The following MSANTD4 variants were observed in gnomAD, a reference collection of about 807,000 sequenced individuals.
MSANTD4 encodes the protein myb/SANT-like DNA-binding domain-containing protein 4.
A neutral mutation model predicts 34.3 loss-of-function variants in MSANTD4; 13 were observed. The observed-to-expected ratio is 0.38, with a 90% CI of 0.25 to 0.60. The LOEUF (loss-of-function observed/expected upper bound fraction) is 0.60. MSANTD4 is among the 20% of genes least tolerant of loss of function. The pLI is 0.63. For synonymous variants in MSANTD4, 137 were observed against 145.2 expected (o/e 0.94, Z 0.41); for missense variants, 358 against 401.8 (o/e 0.89, Z 0.93).
At position 106,010,847 on chromosome 11, in the gene MSANTD4, A is replaced by G. The variant is rs1187539844; in HGVS notation, c.71T>C (p.Ile24Thr). The change falls in exon 2 of 3, where the codon ATT becomes ACT. Residue 24 changes from isoleucine (I) to threonine (T), a missense_variant. Around this residue, in one of 2 missense-constraint regions of MSANTD4, gnomAD observed 46 missense variants for 84.3 expected, o/e 0.55. Transcript: ENST00000301919. ...VQETQTLLKEITKRKEVIFSK... is the reference protein window; with the variant it reads ...VQETQTLLKETTKRKEVIFSK... ...AAAAATGACTTCTTTCCTTTTCGTA[A>G]TTTCTTTCAAAAGGGTCTGAGTTTC... 6.2e-7 allele frequency: 1 copy of G among 1,613,890 alleles called. No individual in the cohort carries two copies. The highest frequency in any genetic ancestry group is 8.5e-7 in the Non-Finnish European group (1 of 1,179,956).
At chr11:106,017,307 C>G (rs999736887) in intron 1 of MSANTD4, among the ~76,000 whole-genome samples, 1 of 152,176 alleles carries the variant, frequency 6.6e-6, no homozygotes. Context: ...TGCTCTACAA[C>G]AGGTTCATTA....
chr11:106,010,132 A>C, intron 2 of MSANTD4, 22 bp from the exon 3 acceptor site: 1 of 1,523,050 alleles, frequency 6.6e-7, no homozygotes, highest in Non-Finnish European at 8.8e-7. Flanking sequence ...GAGAAAAGCA[A>C]TTTTCAGTAT....
At position 106,010,686 on chromosome 11, in the gene MSANTD4, C is replaced by T; in HGVS notation, c.232G>A (p.Ala78Thr). 1.2e-6 allele frequency: 2 copies of T among 1,614,146 alleles called. No individual in the cohort carries two copies. The highest frequency in any genetic ancestry group is 1.1e-5 in the South Asian group (1 of 91,082). Residue 78 changes from alanine to threonine, a missense_variant, in exon 2 of 3, where the codon GCA becomes ACA. Physicochemically the swap from Ala to Thr is moderately conservative, Grantham distance 58. This residue lies in a region of MSANTD4 where 312 missense variants were observed against 317.6 expected (regional missense o/e 0.98). Coordinates refer to ENST00000301919, the MANE Select transcript of MSANTD4 (RefSeq NM_032424.3). ...EVKRRYLDWR[A>T]LMKRKRMKAN... ...TTCATCCTCTTTCTCTTCATAAGTGCTCGCCAGTCAAGGTACCTTCTTTTC... is the reference window on the plus strand; with the variant it reads ...TTCATCCTCTTTCTCTTCATAAGTGTTCGCCAGTCAAGGTACCTTCTTTTC...
rs774691282 is a variant in MSANTD4, at chr11:106,009,841, GT to G, written c.731del (p.Asp244AlafsTer9). The G allele has an allele frequency of 6.2e-7, 1 of 1,614,030 alleles. No individual in the cohort carries two copies. The highest frequency in any genetic ancestry group is 1.3e-5 in the African/African-American group (1 of 75,020). ...QIEKERLRHL[D>X]MEHERLQLEK... ...CTAGCTGAAGCCGCTCATGTTCCAT[GT>G]CTAAATGCCGCAGCCTCTCTTTCTC... is the stretch of plus-strand genomic sequence containing the variant. On this transcript the variant is annotated frameshift_variant, in exon 3 of 3. Coordinates refer to ENST00000301919, the MANE Select transcript of MSANTD4 (RefSeq NM_032424.3). LOFTEE classifies it high-confidence loss of function.
In MSANTD4 at chr11:106,019,276, T is replaced by C. The variant is rs571866335; in HGVS notation, c.-151+1686A>G. 3.3e-5 allele frequency among the ~76,000 whole-genome samples: 5 copies of C among 152,282 alleles called. No individual in the cohort carries two copies. The South Asian group carries it at 6.2e-4, about 19-fold the overall frequency. ...CTAGATCAGTGCTGTCCAATAGAAA[T>C]GTAAGAGCCCTATATGTAATTTTAA... On this transcript the variant is annotated intron_variant, in intron 1 of 2. Transcript: ENST00000301919.
intron 1 of MSANTD4, among the ~76,000 whole-genome samples, chr11:106,016,232 A>T (rs1349967109): frequency 1.3e-5 from 2 of 152,220 alleles, no homozygotes; most frequent in Non-Finnish European, 2.9e-5. Context: ...AATTCAAATT[A>T]TCCAATAGCT....
rs1162090305 is a variant in MSANTD4, at chr11:106,008,461, A to G, written c.*1074T>C. On this transcript the variant is annotated 3_prime_UTR_variant, in exon 3 of 3. Coordinates refer to ENST00000301919, the MANE Select transcript of MSANTD4 (RefSeq NM_032424.3). ...AGATAGTGTAATAAGTGCTTCTCCA[A>G]TCCATAATACATACCTACTATCATT... 2 of 152,196 alleles carry G rather than the reference A, an allele frequency of 1.3e-5. No individual in the cohort carries two copies. Among genetic ancestry groups the G allele is most frequent in the East Asian group, 3.8e-4 (2 of 5,198 alleles). 9.4% of individuals were successfully genotyped at this position (152,196 alleles called of 1,614,324 possible).
chr11:106,016,341 C>T (rs529732806), intron 1 of MSANTD4, among the ~76,000 whole-genome samples: 1 of 152,196 alleles, frequency 6.6e-6, no homozygotes, highest in Non-Finnish European at 1.5e-5. Flanking sequence ...AAGTGATTTA[C>T]ACACATCATT....
chr11:106,019,786 A>G (rs1026969493), intron 1 of MSANTD4, among the ~76,000 whole-genome samples: 4 of 152,244 alleles, frequency 2.6e-5, no homozygotes, highest in Non-Finnish European at 4.4e-5. Flanking sequence ...TGCATAAAAA[A>G]AGTACATAAA....
intron 1 of MSANTD4, 49 bp from the exon 2 acceptor site, chr11:106,011,116 C>T: frequency 2.3e-6 from 2 of 876,534 alleles, no homozygotes; most frequent in Non-Finnish European, 3.3e-6. Flanking sequence ...ACTTCTACAA[C>T]ATACTTCAAC....
chr11:106,012,079 C>T (rs1859711090), intron 1 of MSANTD4, among the ~76,000 whole-genome samples: 1 of 150,826 alleles, frequency 6.6e-6, no homozygotes, highest in Non-Finnish European at 1.5e-5. Context: ...TTTTACCCAG[C>T]CATCCCACCT....
chr11:106,019,150 C>A (rs1442018927), intron 1 of MSANTD4, among the ~76,000 whole-genome samples: 1 of 152,176 alleles, frequency 6.6e-6, no homozygotes, highest in Non-Finnish European at 1.5e-5. Flanking sequence ...CCAGTACCAA[C>A]TCCCAACCTA....
intron 1 of MSANTD4, among the ~76,000 whole-genome samples, chr11:106,014,179 C>G (rs1859779068): frequency 6.6e-6 from 1 of 152,192 alleles, no homozygotes; most frequent in African/African-American, 2.4e-5. Flanking sequence ...ACTAAGCAAT[C>G]AGAAGCTGTC....
intron 1 of MSANTD4, among the ~76,000 whole-genome samples, chr11:106,015,224 T>C (rs1459862838): frequency 6.6e-6 from 1 of 152,106 alleles, no homozygotes; most frequent in East Asian, 1.9e-4. Context: ...GATTCTGGAG[T>C]CAGACCACCC....
chr11:106,012,949 T>C (rs892064908), intron 1 of MSANTD4, among the ~76,000 whole-genome samples: 2 of 152,166 alleles, frequency 1.3e-5, no homozygotes, highest in Admixed American at 6.5e-5. Flanking sequence ...ACTAGGAGGC[T>C]GGAACAGATG....
At chr11:106,017,183 C>G (rs538974002) in intron 1 of MSANTD4, among the ~76,000 whole-genome samples, 5 of 152,198 alleles carry the variant, frequency 3.3e-5, no homozygotes, top group African/African-American at 9.6e-5. Flanking sequence ...ATAATCCCCA[C>G]GTAGATGCTA....
chr11:106,019,728 AT>A (rs552465296), intron 1 of MSANTD4, among the ~76,000 whole-genome samples: 1 of 152,214 alleles, frequency 6.6e-6, no homozygotes, highest in Non-Finnish European at 1.5e-5. Context: ...TCAGATACGA[AT>A]ATATTATTCC....
chr11:106,012,443 T>C lies in MSANTD4; in HGVS notation c.-150-1376A>G, dbSNP rs181906674. 3.9e-5 allele frequency among the ~76,000 whole-genome samples: 6 copies of C among 152,300 alleles called. No homozygotes were observed. The East Asian group carries it at 1.2e-3, about 29-fold the overall frequency. ...TTTCTGGGCCACTTTAATTGTAGAG[T>C]TGAAGAGCACAATAGGAAAGTACGT... On this transcript the variant is annotated intron_variant, in intron 1 of 2. Coordinates refer to ENST00000301919, the MANE Select transcript of MSANTD4 (RefSeq NM_032424.3).
At chr11:106,019,572 C>G (rs2134962189) in intron 1 of MSANTD4, among the ~76,000 whole-genome samples, 1 of 152,252 alleles carries the variant, frequency 6.6e-6, no homozygotes, top group South Asian at 2.1e-4. Flanking sequence ...AGGCCAATGC[C>G]TACTCATCCT....
Sources: allele counts gnomAD v4.1 joint callset (sites outside exome capture counted in the v4.1 genomes callset), GRCh38; gene constraint gnomAD v4.1.1; regional missense constraint gnomAD v4.1.1; transcripts MANE v1.5; gene names NCBI Gene and HGNC (gene_info 2026-07-23, HGNC 2026-07-21).